THEMIS: variants seen among roughly 807,000 people sequenced by gnomAD.
THEMIS encodes the protein thymocyte selection associated.
Under a neutral mutation model 52.6 loss-of-function variants are expected in THEMIS, and 37 were observed. The ratio of observed to expected loss-of-function variants is 0.70; its 90% confidence interval spans 0.54 to 0.93. The LOEUF is 0.93. Among genes scored for constraint, THEMIS ranks in the 40% least tolerant of loss-of-function variants. The probability of loss-of-function intolerance (pLI) is 0.00; values close to 1 mark genes in which losing one functional copy is unlikely to be tolerated. For synonymous variants in THEMIS, 292 were observed against 272.7 expected (o/e 1.07, Z -0.70); for missense variants, 808 against 763.1 (o/e 1.06, Z -0.69).
chr6:127,817,783 G>A (rs772701207), intron 3 of THEMIS, among the ~76,000 whole-genome samples: 25 of 152,252 alleles, frequency 1.6e-4, no homozygotes, highest in Middle Eastern at 6.8e-3. Flanking sequence ...GGTAACTGGG[G>A]ACTAAAGGTA....
At chr6:127,757,546 T>C (rs1194016751) in intron 4 of THEMIS, among the ~76,000 whole-genome samples, 4 of 151,910 alleles carry the variant, frequency 2.6e-5, no homozygotes, top group Admixed American at 2.6e-4. Flanking sequence ...GCAGTGGCGC[T>C]ATCTCGGCTC....
intron 4 of THEMIS, among the ~76,000 whole-genome samples, chr6:127,811,996 C>G (rs1188132411): frequency 2.0e-5 from 3 of 152,138 alleles, no homozygotes; most frequent in Non-Finnish European, 2.9e-5. Flanking sequence ...CCTAAGGCTG[C>G]TATTATTTCT....
intron 4 of THEMIS, among the ~76,000 whole-genome samples, chr6:127,721,352 C>T (rs1341089496): frequency 1.3e-5 from 2 of 152,016 alleles, no homozygotes; most frequent in Non-Finnish European, 2.9e-5. Context: ...ATAACTGGTA[C>T]ATTCAACCAC....
intron 3 of THEMIS, among the ~76,000 whole-genome samples, chr6:127,818,389 C>G (rs550599971): frequency 1.3e-5 from 2 of 152,096 alleles, no homozygotes; most frequent in East Asian, 3.9e-4. Context: ...TAAGACCATA[C>G]CTAAGAAGGA....
chr6:127,824,158 C>G (rs1778428355), intron 3 of THEMIS, among the ~76,000 whole-genome samples: 1 of 152,150 alleles, frequency 6.6e-6, no homozygotes, highest in Admixed American at 6.5e-5. Flanking sequence ...TAGGTGACCA[C>G]TTCTTCCACC....
chr6:127,703,739 A>C (rs1480243731), downstream of THEMIS, among the ~76,000 whole-genome samples: 2 of 152,204 alleles, frequency 1.3e-5, no homozygotes, highest in African/African-American at 4.8e-5. Context: ...ATATGGATAA[A>C]AATTTTAAGA....
chr6:127,738,146 A>C (rs1211211195), intron 4 of THEMIS, among the ~76,000 whole-genome samples: 1 of 152,194 alleles, frequency 6.6e-6, no homozygotes, highest in Non-Finnish European at 1.5e-5. Context: ...ATAATATAGT[A>C]TGCTGTAATT....
intron 1 of THEMIS, among the ~76,000 whole-genome samples, chr6:127,916,886 T>C (rs1402999566): frequency 7.9e-5 from 12 of 152,212 alleles, no homozygotes; most frequent in African/African-American, 2.7e-4. Context: ...TGTTGTAGTT[T>C]TAAAAACACA....
intron 1 of THEMIS, among the ~76,000 whole-genome samples, chr6:127,893,922 A>G (rs1780887271): frequency 6.6e-6 from 1 of 152,134 alleles, no homozygotes; most frequent in African/African-American, 2.4e-5. Flanking sequence ...ATACCAAAAG[A>G]AAGCTGGAAT....
chr6:127,841,603 C>G (rs116012757), intron 2 of THEMIS, among the ~76,000 whole-genome samples: 2,909 of 151,908 alleles, frequency 0.019, 112 homozygotes, highest in African/African-American at 0.067. Context: ...AGATGAGTAA[C>G]AGAATCATTT....
intron 2 of THEMIS, among the ~76,000 whole-genome samples, chr6:127,832,777 C>CTTTTTTTT (rs11355741): frequency 0.03 from 1,709 of 57,812 alleles, 382 homozygotes; most frequent in African/African-American, 0.07. Context: ...ATTGTCAGAT[C>CTTTTTTTT]TTTTTTTTTT....
At chr6:127,842,054 G>A (rs1478010581) in intron 2 of THEMIS, among the ~76,000 whole-genome samples, 1 of 151,940 alleles carries the variant, frequency 6.6e-6, no homozygotes, top group African/African-American at 2.4e-5. Flanking sequence ...AGCAACTTCT[G>A]ACTTACATTC....
At chr6:127,847,733 G>C (rs145670344) in intron 2 of THEMIS, among the ~76,000 whole-genome samples, 3 of 151,512 alleles carry the variant, frequency 2.0e-5, no homozygotes, top group African/African-American at 7.3e-5. Context: ...AGGAATCTAC[G>C]GATTCAATGC....
intron 4 of THEMIS, among the ~76,000 whole-genome samples, chr6:127,781,476 T>C (rs887631011): frequency 1.3e-5 from 2 of 152,064 alleles, no homozygotes; most frequent in African/African-American, 4.8e-5. Flanking sequence ...AGTGTTCTGG[T>C]TTTTGGAATT....
intron 4 of THEMIS, among the ~76,000 whole-genome samples, chr6:127,804,149 T>C (rs78156158): frequency 0.01 from 1,563 of 152,028 alleles, 33 homozygotes; most frequent in African/African-American, 0.036. Flanking sequence ...CACTTGAACA[T>C]TAAGAGTTAA....
chr6:127,766,681 T>C (rs1381049196), intron 4 of THEMIS, among the ~76,000 whole-genome samples: 1 of 152,212 alleles, frequency 6.6e-6, no homozygotes, highest in East Asian at 1.9e-4. Context: ...CTGTACTGAA[T>C]ACTCTAGGCA....
At chr6:127,801,610 A>G (rs920700198) in intron 4 of THEMIS, among the ~76,000 whole-genome samples, 1 of 152,082 alleles carries the variant, frequency 6.6e-6, no homozygotes, top group African/African-American at 2.4e-5. Context: ...CAGCTTCCCC[A>G]TCCCCAGTAG....
chr6:127,778,947 A>G (rs1324115548), intron 4 of THEMIS, among the ~76,000 whole-genome samples: 1 of 151,912 alleles, frequency 6.6e-6, no homozygotes, highest in Non-Finnish European at 1.5e-5. Context: ...ATTATACTGC[A>G]CAGAAGCAGA....
chr6:127,780,164 T>A (rs531336763), intron 4 of THEMIS, among the ~76,000 whole-genome samples: 2 of 152,328 alleles, frequency 1.3e-5, no homozygotes, highest in African/African-American at 4.8e-5. Context: ...CCTTTCTTTG[T>A]CTTTTTTGAT....
Sources: allele counts gnomAD v4.1 joint callset (sites outside exome capture counted in the v4.1 genomes callset), GRCh38; gene constraint gnomAD v4.1.1; transcripts MANE v1.5; gene names NCBI Gene and HGNC (gene_info 2026-07-23, HGNC 2026-07-21).